VPS13A: variants seen among roughly 807,000 people sequenced by gnomAD.
VPS13A encodes the protein intermembrane lipid transfer protein VPS13A.
VPS13A carries 264 observed loss-of-function variants against 390.9 expected under a neutral mutation model. The ratio of observed to expected loss-of-function variants is 0.68; its 90% CI spans 0.61 to 0.75. The LOEUF is 0.75. VPS13A is among the 30% of genes least tolerant of loss of function. The pLI, the probability that VPS13A is intolerant of heterozygous loss-of-function variation, is 0.00. For missense variants in VPS13A, 3,409 were observed against 3,733.9 expected, an observed-to-expected ratio of 0.91 and a Z score of 2.27; for synonymous variants, 1,231 against 1,227.1, an observed-to-expected ratio of 1.00 and a Z score of -0.07.
chr9:77,266,338 T>A (rs1005560017), intron 23 of VPS13A, among the ~76,000 whole-genome samples: 7 of 152,244 alleles, frequency 4.6e-5, no homozygotes, highest in Admixed American at 1.3e-4. Flanking sequence ...GTTCAAGTTC[T>A]GAATATCCTT....
chr9:77,254,181 G>A (rs1007055309), intron 22 of VPS13A, among the ~76,000 whole-genome samples: 8 of 151,968 alleles, frequency 5.3e-5, no homozygotes, highest in Non-Finnish European at 1.2e-4. Flanking sequence ...CTGACCTCGT[G>A]ATCCGCCCGC....
chr9:77,337,847 G>C (rs1324102328), intron 47 of VPS13A: 1 of 227,168 alleles, frequency 4.4e-6, no homozygotes, highest in Non-Finnish European at 8.6e-6. Flanking sequence ...TCTTCCTGTT[G>C]TTATAGGAAT....
At chr9:77,255,793 G>A (rs1825402867) in intron 22 of VPS13A, among the ~76,000 whole-genome samples, 2 of 151,994 alleles carry the variant, frequency 1.3e-5, no homozygotes. Context: ...GTGTAAAATT[G>A]TTTGTAATTG....
intron 17 of VPS13A, among the ~76,000 whole-genome samples, chr9:77,236,551 A>G (rs916673389): frequency 1.3e-5 from 2 of 152,214 alleles, no homozygotes; most frequent in Non-Finnish European, 2.9e-5. Flanking sequence ...CATCCAAAAC[A>G]TTGTCAATTT....
intron 33 of VPS13A, among the ~76,000 whole-genome samples, chr9:77,301,005 T>C (rs998860844): frequency 2.6e-5 from 4 of 152,230 alleles, no homozygotes; most frequent in African/African-American, 9.6e-5. Context: ...ATGCAATATA[T>C]TAAATGCAGT....
rs1480997285 is a variant in VPS13A at position 77,420,985 on chromosome 9, T to C, written c.*4979T>C. On this transcript the variant is annotated 3_prime_UTR_variant, in exon 72 of 72. Transcript: ENST00000360280. The stretch of plus-strand genomic sequence containing the variant: ...ACTATTAGGAATGGTATCTGGAACT[T>C]GTTACAAGGTCAGATAAACTGTTAC... 6.6e-6 allele frequency: 1 copy of C among 152,208 alleles called. No homozygotes were observed. The highest frequency in any genetic ancestry group is 1.5e-5 in the Non-Finnish European group (1 of 68,022). The allele number at this position is 152,208 out of a possible 1,614,324, so 9.4% of individuals were successfully genotyped here. A position where few individuals can be genotyped will look rare whatever the true frequency, so the allele number is the denominator to read the frequency against.
chr9:77,409,479 C>G (rs1471771649), intron 71 of VPS13A, among the ~76,000 whole-genome samples: 2 of 152,090 alleles, frequency 1.3e-5, no homozygotes, highest in Non-Finnish European at 2.9e-5. Context: ...GAGAAGAAGG[C>G]TTCAGATGAT....
At chr9:77,267,299 A>G (rs890571546) in intron 23 of VPS13A, among the ~76,000 whole-genome samples, 1 of 151,972 alleles carries the variant, frequency 6.6e-6, no homozygotes, top group African/African-American at 2.4e-5. Flanking sequence ...ATCTTTGTGG[A>G]TTTATCTACC....
In VPS13A at chr9:77,289,788, T is replaced by C. The variant is rs557888274; in HGVS notation, c.3340-3553T>C. Reference sequence around the variant, plus strand: ...CTCTGAAATACTTTCTCATTTCTTTTTTTTTTTTTTGAGACAGAGTCTTGC... The same window carrying C: ...CTCTGAAATACTTTCTCATTTCTTTCTTTTTTTTTTGAGACAGAGTCTTGC... On this transcript the variant is annotated intron_variant, in intron 31 of 71. Transcript: ENST00000360280. 4.0e-5 allele frequency among the ~76,000 whole-genome samples: 6 copies of C among 151,596 alleles called. No individual in the cohort carries two copies. The East Asian group carries it at 1.2e-3, about 29-fold the overall frequency.
chr9:77,283,238 G>A (rs1827142166), intron 29 of VPS13A, 117 bp from the exon 30 acceptor site: 15 of 651,148 alleles, frequency 2.3e-5, no homozygotes, highest in South Asian at 2.3e-4. Flanking sequence ...CTGAATTGCA[G>A]ATCAGGTTTT....
intron 46 of VPS13A, among the ~76,000 whole-genome samples, chr9:77,336,373 A>T (rs575718927): frequency 1.3e-5 from 2 of 152,260 alleles, no homozygotes; most frequent in Non-Finnish European, 2.9e-5. Flanking sequence ...ACACTAAAGC[A>T]GAAAAAAAAA....
At chr9:77,222,525 TTTA>T (rs1450367179) in intron 13 of VPS13A, among the ~76,000 whole-genome samples, 3 of 152,226 alleles carry the variant, frequency 2.0e-5, no homozygotes, top group African/African-American at 7.2e-5. Context: ...CATACTTCAC[TTTA>T]TTGTGCTTTG....
In VPS13A at chr9:77,213,231, C is replaced by G. The variant is rs763166254; in HGVS notation, c.616-3C>G. 1 of 1,612,686 alleles carries G rather than the reference C, an allele frequency of 6.2e-7. No homozygotes were observed. Among genetic ancestry groups the G allele is most frequent in the Admixed American group, 1.7e-5 (1 of 59,966 alleles). The stretch of plus-strand genomic sequence containing the variant: ...TGAGACATCTAATAAATTTTATTTT[C>G]AGTTAATCCGATTGGATAACCTGTT... On this transcript the variant is annotated splice_polypyrimidine_tract_variant and splice_region_variant and intron_variant, in intron 8 of 71. Transcript: ENST00000360280.
At chr9:77,233,622 G>A (rs931207660) in intron 17 of VPS13A, among the ~76,000 whole-genome samples, 2 of 151,746 alleles carry the variant, frequency 1.3e-5, no homozygotes, top group South Asian at 2.1e-4. Context: ...CCATTTCAAC[G>A]TATTTTCTGA....
intron 1 of VPS13A, among the ~76,000 whole-genome samples, chr9:77,182,116 C>T (rs546732046): frequency 3.2e-4 from 49 of 152,176 alleles, no homozygotes; most frequent in African/African-American, 1.1e-3. Flanking sequence ...CTTTTTGAGA[C>T]GGAGTCTCGT....
At chr9:77,412,575 AT>A (rs781125084) in intron 71 of VPS13A, among the ~76,000 whole-genome samples, 33 of 152,206 alleles carry the variant, frequency 2.2e-4, no homozygotes, top group Non-Finnish European at 4.4e-4. Flanking sequence ...CAATAAATTA[AT>A]TAGGTATTGA....
chr9:77,232,654 G>A (rs533757519), intron 17 of VPS13A, among the ~76,000 whole-genome samples: 1 of 152,230 alleles, frequency 6.6e-6, no homozygotes, highest in Non-Finnish European at 1.5e-5. Context: ...AAGCAAATGA[G>A]GAGCAAAGTC....
At chr9:77,268,801 A>G (rs1826181788) in intron 23 of VPS13A, among the ~76,000 whole-genome samples, 1 of 152,066 alleles carries the variant, frequency 6.6e-6, no homozygotes, top group Non-Finnish European at 1.5e-5. Flanking sequence ...TTAGCCAGGC[A>G]TGGTGGTGGG....
chr9:77,280,964 A>C (rs1292494692), intron 27 of VPS13A, among the ~76,000 whole-genome samples: 3 of 152,130 alleles, frequency 2.0e-5, no homozygotes, highest in Non-Finnish European at 4.4e-5. Context: ...AAAGGGGGGG[A>C]ATCCTGTCAC....
Sources: allele counts gnomAD v4.1 joint callset (sites outside exome capture counted in the v4.1 genomes callset), GRCh38; gene constraint gnomAD v4.1.1; transcripts MANE v1.5; gene names NCBI Gene and HGNC (gene_info 2026-07-23, HGNC 2026-07-21).